Variants in ANP32B observed in about 807,000 individuals in gnomAD.
The protein encoded by ANP32B is acidic leucine-rich nuclear phosphoprotein 32 family member B.
Under a neutral mutation model 32.2 loss-of-function variants are expected in ANP32B, and 6 were observed. That is an observed-to-expected ratio of 0.19 (90% confidence interval 0.10 to 0.37). ANP32B has a LOEUF of 0.37. Among genes scored for constraint, ANP32B ranks in the 10% least tolerant of loss-of-function variants. The pLI is 1.00. For synonymous variants in ANP32B, 98 were observed against 105.8 expected (o/e 0.93, Z 0.45); for missense variants, 204 against 289.2 (o/e 0.71, Z 2.14).
chr9:98,006,992 A>T (rs1293660650), intron 4 of ANP32B, among the ~76,000 whole-genome samples: 1 of 152,122 alleles, frequency 6.6e-6, no homozygotes, highest in Non-Finnish European at 1.5e-5. Context: ...CATCTCAAAA[A>T]ACAAACAAAC....
intron 2 of ANP32B, among the ~76,000 whole-genome samples, chr9:97,996,752 C>G (rs1303292364): frequency 1.3e-5 from 2 of 152,048 alleles, no homozygotes; most frequent in African/African-American, 4.8e-5. Context: ...CACCACCACG[C>G]CTGGCTACTT....
intron 4 of ANP32B, among the ~76,000 whole-genome samples, chr9:98,009,840 T>A (rs13295234): frequency 2.0e-5 from 3 of 152,208 alleles, no homozygotes; most frequent in African/African-American, 7.2e-5. Flanking sequence ...ATCAAGGAGT[T>A]TGGGTGCAGT....
intron 1 of ANP32B, chr9:97,986,797 G>GT (rs763100874): frequency 6.6e-6 from 1 of 152,236 alleles, no homozygotes; most frequent in Non-Finnish European, 1.5e-5. Flanking sequence ...GTATACTGTT[G>GT]TTGTATGAAC....
chr9:97,997,232 C>G lies in ANP32B; in HGVS notation c.205-1324C>G, dbSNP rs117636291. ...TTGATTATGGGCTTATGTTTTTAAA[C>G]CTAGACCATGACTATTTCACTGAAA... is the stretch of plus-strand genomic sequence containing the variant. On this transcript the variant is annotated intron_variant, in intron 2 of 6. Transcript: ENST00000339399. Among the ~76,000 whole-genome samples, 80 of 152,216 alleles carry G rather than the reference C, an allele frequency of 5.3e-4. 1 individual carries two copies. In the East Asian group the frequency reaches 0.014, roughly 27 times the overall value.
chr9:97,995,406 T>G (rs1827887975), intron 2 of ANP32B, among the ~76,000 whole-genome samples: 1 of 152,240 alleles, frequency 6.6e-6, no homozygotes. Context: ...TGTGGTTATA[T>G]AAGTCTTGCA....
In ANP32B at chr9:97,987,216, G is replaced by A. The variant is rs79523023; in HGVS notation, c.54+3607G>A. Reference sequence around the variant, plus strand: ...TTTCTAAGTCCAAAAGAGCTCTTATGGCAGGGTATATTCTCATAGTGGAAC... The same window carrying A: ...TTTCTAAGTCCAAAAGAGCTCTTATAGCAGGGTATATTCTCATAGTGGAAC... On this transcript the variant is annotated intron_variant, in intron 1 of 6. Coordinates refer to ENST00000339399, the MANE Select transcript of ANP32B (RefSeq NM_006401.3). Among the ~76,000 whole-genome samples the A allele has an allele frequency of 1.7e-4, 26 of 151,662 alleles. No homozygotes were observed. The East Asian group carries it at 4.8e-3, about 28-fold the overall frequency.
chr9:98,008,809 C>T (rs1044208406), intron 4 of ANP32B, among the ~76,000 whole-genome samples: 1 of 152,122 alleles, frequency 6.6e-6, no homozygotes, highest in Non-Finnish European at 1.5e-5. Context: ...ATAATTATAT[C>T]ATTATATATT....
intron 2 of ANP32B, among the ~76,000 whole-genome samples, chr9:97,996,915 A>G (rs886442413): frequency 2.0e-5 from 3 of 152,162 alleles, no homozygotes; most frequent in Admixed American, 6.6e-5. Flanking sequence ...ATTGTTTTTA[A>G]CAAGAAATAA....
intron 1 of ANP32B, among the ~76,000 whole-genome samples, chr9:97,984,233 G>A (rs1323620445): frequency 1.3e-5 from 2 of 150,966 alleles, no homozygotes; most frequent in African/African-American, 4.8e-5. Flanking sequence ...CCGGCGCGCG[G>A]AGCGGGGGAG....
chr9:97,988,666 A>G (rs189294890), intron 1 of ANP32B, among the ~76,000 whole-genome samples: 12 of 152,216 alleles, frequency 7.9e-5, no homozygotes, highest in Non-Finnish European at 1.3e-4. Flanking sequence ...CAGAGTTTGC[A>G]GTGAGCCAAG....
intron 3 of ANP32B, among the ~76,000 whole-genome samples, chr9:98,004,075 G>T (rs932561044): frequency 1.4e-4 from 21 of 152,136 alleles, no homozygotes; most frequent in Admixed American, 1.2e-3. Context: ...ATAGACCTGG[G>T]ATTGAAATAC....
chr9:97,994,514 A>C, intron 1 of ANP32B, 117 bp from the exon 2 acceptor site: 2 of 924,296 alleles, frequency 2.2e-6, no homozygotes, highest in Non-Finnish European at 3.3e-6. Flanking sequence ...GGTCTAAGTA[A>C]GAGGCTGCCT....
rs1828054638 is a variant in ANP32B at position 98,005,036 on chromosome 9, A to G, written c.400A>G (p.Ser134Gly). Reference protein sequence around the residue: ...EVTNLNDYRESVFKLLPQLTY... With the variant: ...EVTNLNDYREGVFKLLPQLTY... The stretch of plus-strand genomic sequence containing the variant: ...TACCAACCTGAATGACTACCGAGAG[A>G]GTGTCTTCAAGCTCCTGCCCCAGCT... The change falls in exon 4 of 7, where the codon AGT (serine) becomes GGT (glycine). Residue 134 changes from serine (S) to glycine (G), a missense_variant. Transcript: ENST00000339399. 6.2e-7 allele frequency: 1 copy of G among 1,613,842 alleles called. No individual in the cohort carries two copies. Among genetic ancestry groups the G allele is most frequent in the Non-Finnish European group, 8.5e-7 (1 of 1,179,908 alleles).
At chr9:98,009,133 A>G (rs756280697) in intron 4 of ANP32B, among the ~76,000 whole-genome samples, 2 of 152,234 alleles carry the variant, frequency 1.3e-5, no homozygotes, top group Non-Finnish European at 2.9e-5. Flanking sequence ...AAATAACTAT[A>G]TGTTAGATTC....
intron 1 of ANP32B, among the ~76,000 whole-genome samples, chr9:97,988,831 A>G (rs910058191): frequency 5.9e-5 from 9 of 152,378 alleles, no homozygotes; most frequent in African/African-American, 2.2e-4. Flanking sequence ...TGGAAATTGC[A>G]AGGATGGCAG....
intron 1 of ANP32B, among the ~76,000 whole-genome samples, chr9:97,984,914 T>C (rs1258669455): frequency 6.6e-6 from 1 of 150,780 alleles, no homozygotes; most frequent in South Asian, 2.1e-4. Flanking sequence ...CCCACGTGCT[T>C]GAGAGCGGCC....
chr9:97,991,742 C>G (rs183441432), intron 1 of ANP32B, among the ~76,000 whole-genome samples: 67 of 152,280 alleles, frequency 4.4e-4, no homozygotes, highest in Non-Finnish European at 8.8e-4. Flanking sequence ...ATTCTGAAAA[C>G]ACAGTCCTAA....
At chr9:97,991,072 T>C (rs1187646835) in intron 1 of ANP32B, among the ~76,000 whole-genome samples, 1 of 151,758 alleles carries the variant, frequency 6.6e-6, no homozygotes, top group African/African-American at 2.4e-5. Context: ...TCTGCCCGCC[T>C]CAGCCTCCCA....
chr9:98,006,112 T>G (rs1828077961), intron 4 of ANP32B, among the ~76,000 whole-genome samples: 1 of 152,152 alleles, frequency 6.6e-6, no homozygotes, highest in African/African-American at 2.4e-5. Flanking sequence ...GTGGTGATGC[T>G]AGAGCTGAGG....
Sources: allele counts gnomAD v4.1 joint callset (sites outside exome capture counted in the v4.1 genomes callset), GRCh38; gene constraint gnomAD v4.1.1; transcripts MANE v1.5; gene names NCBI Gene and HGNC (gene_info 2026-07-23, HGNC 2026-07-21).